UBE3C: variants seen among roughly 807,000 people sequenced by gnomAD.
UBE3C encodes ubiquitin-protein ligase E3C.
Under a neutral mutation model 129.4 loss-of-function variants are expected in UBE3C, and 42 were observed. The ratio of observed to expected loss-of-function variants is 0.32; its 90% CI spans 0.25 to 0.42. UBE3C has a LOEUF of 0.42. Among genes scored for constraint, UBE3C ranks in the 10% least tolerant of loss-of-function variants. The pLI is 1.00. For missense variants in UBE3C, 1,049 were observed against 1,319.1 expected (o/e 0.80, Z 3.17); for synonymous variants, 510 against 492.4 (o/e 1.04, Z -0.47).
intron 1 of UBE3C, among the ~76,000 whole-genome samples, chr7:157,157,782 C>G (rs1373993068): frequency 6.6e-6 from 1 of 152,078 alleles, no homozygotes; most frequent in Non-Finnish European, 1.5e-5. Flanking sequence ...TGAGACCAGC[C>G]TGGCCAACGT....
At chr7:157,249,246 C>A (rs375023578) in intron 19 of UBE3C, among the ~76,000 whole-genome samples, 1 of 152,152 alleles carries the variant, frequency 6.6e-6, no homozygotes, top group Non-Finnish European at 1.5e-5. Flanking sequence ...CAGGCTCCCC[C>A]ACCTCCCGCA....
At chr7:157,260,708 A>T (rs1796879914) in intron 22 of UBE3C, among the ~76,000 whole-genome samples, 2 of 152,208 alleles carry the variant, frequency 1.3e-5, no homozygotes, top group Non-Finnish European at 2.9e-5. Flanking sequence ...AGTTTCATAA[A>T]AGGAAGTTTG....
At position 157,234,558 on chromosome 7, in the gene UBE3C, G is replaced by A. The variant is rs1796106367; in HGVS notation, c.2481+3231G>A. ...TAATGGGAAGGAATCAGTCTATCCTGGATATAGAATAATTCCCCTTTATTT... is the reference window on the plus strand; with the variant it reads ...TAATGGGAAGGAATCAGTCTATCCTAGATATAGAATAATTCCCCTTTATTT... On this transcript the variant is annotated intron_variant, in intron 18 of 22. Transcript: ENST00000348165. Among the ~76,000 whole-genome samples the A allele has an allele frequency of 2.0e-5, 3 of 152,122 alleles. No individual in the cohort carries two copies. The South Asian group carries it at 6.2e-4, about 32-fold the overall frequency.
At chr7:157,185,257 G>A (rs754443742) in intron 9 of UBE3C, among the ~76,000 whole-genome samples, 3 of 152,238 alleles carry the variant, frequency 2.0e-5, no homozygotes, top group South Asian at 2.1e-4. Context: ...ATGCGGACCC[G>A]TGAACCGGGA....
At chr7:157,168,241 C>A (rs1586658459) in intron 2 of UBE3C, among the ~76,000 whole-genome samples, 1 of 150,630 alleles carries the variant, frequency 6.6e-6, no homozygotes, top group Non-Finnish European at 1.5e-5. Flanking sequence ...GTCCCAGCTA[C>A]TCGGGAGGCT....
intron 1 of UBE3C, among the ~76,000 whole-genome samples, chr7:157,151,244 T>C (rs1370534796): frequency 6.6e-6 from 1 of 152,250 alleles, no homozygotes; most frequent in Non-Finnish European, 1.5e-5. Context: ...ACAAATACGC[T>C]GTGTTTTCTG....
At chr7:157,260,571 T>C (rs1315536088) in intron 22 of UBE3C, among the ~76,000 whole-genome samples, 2 of 152,206 alleles carry the variant, frequency 1.3e-5, no homozygotes, top group Admixed American at 6.6e-5. Flanking sequence ...TTTTTATCGG[T>C]AAAGATTTTA....
chr7:157,162,399 T>TG (rs2116855968), intron 1 of UBE3C, among the ~76,000 whole-genome samples: 1 of 152,154 alleles, frequency 6.6e-6, no homozygotes, highest in African/African-American at 2.4e-5. Flanking sequence ...TTCACTGTGT[T>TG]GGCCAGGCTG....
At chr7:157,140,667 A>G (rs1393011743) in intron 1 of UBE3C, among the ~76,000 whole-genome samples, 3 of 152,302 alleles carry the variant, frequency 2.0e-5, no homozygotes, top group South Asian at 2.1e-4. Flanking sequence ...GTGGCAGACC[A>G]TCTGAGACTC....
chr7:157,256,385 C>T (rs1472440887), intron 21 of UBE3C, among the ~76,000 whole-genome samples: 3 of 152,018 alleles, frequency 2.0e-5, no homozygotes, highest in Non-Finnish European at 4.4e-5. Context: ...TCAAGTGATC[C>T]GCCAGCCCGG....
chr7:157,188,899 T>A, intron 10 of UBE3C: 1 of 619,270 alleles, frequency 1.6e-6, no homozygotes, highest in Non-Finnish European at 3.0e-6. Context: ...TCCCTTTTAT[T>A]TTCAGAGTTA....
At chr7:157,231,554 G>A in intron 18 of UBE3C, 3 of 552,920 alleles carry the variant, frequency 5.4e-6, no homozygotes, top group Admixed American at 6.4e-5. Context: ...CAGTGTGCCA[G>A]TATTCAGAGG....
chr7:157,180,058 T>C (rs976910791), intron 6 of UBE3C, among the ~76,000 whole-genome samples: 5 of 152,232 alleles, frequency 3.3e-5, no homozygotes, highest in African/African-American at 9.6e-5. Flanking sequence ...TTAAGAAATA[T>C]GCATTATTTG....
chr7:157,195,876 C>CG (rs1421396160), intron 10 of UBE3C, among the ~76,000 whole-genome samples: 41 of 151,962 alleles, frequency 2.7e-4, no homozygotes, highest in African/African-American at 9.7e-4. Flanking sequence ...GGTGGCGGGG[C>CG]GGGGGTTGCA....
intron 1 of UBE3C, among the ~76,000 whole-genome samples, chr7:157,140,308 G>C (rs1239434898): frequency 6.6e-6 from 1 of 152,196 alleles, no homozygotes; most frequent in Non-Finnish European, 1.5e-5. Context: ...AGGAGGAACT[G>C]CTGTTATTAA....
At chr7:157,218,830 G>C (rs1795657413) in intron 14 of UBE3C, among the ~76,000 whole-genome samples, 1 of 152,142 alleles carries the variant, frequency 6.6e-6, no homozygotes, top group Non-Finnish European at 1.5e-5. Flanking sequence ...GCAGAAACTT[G>C]AAGCATTCAT....
intron 10 of UBE3C, 62 bp from the exon 11 acceptor site, chr7:157,201,652 TTTTTTTA>T (rs1809285882): frequency 1.4e-5 from 9 of 666,232 alleles, no homozygotes; most frequent in South Asian, 8.6e-5. Context: ...TTTTTTTTTT[TTTTTTTA>T]AGAAATGTTT....
At chr7:157,242,510 A>AGTTGTT (rs71522078) in intron 18 of UBE3C, among the ~76,000 whole-genome samples, 12 of 103,860 alleles carry the variant, frequency 1.2e-4, no homozygotes, top group African/African-American at 4.1e-4. Context: ...ACTGAGCCTG[A>AGTTGTT]GTTGTTTTTT....
chr7:157,174,911 T>C lies in UBE3C; in HGVS notation c.343-8T>C, dbSNP rs1475618328. The C allele has an allele frequency of 3.8e-6, 6 of 1,577,164 alleles. No individual in the cohort carries two copies. The highest frequency in any genetic ancestry group is 5.2e-6 in the Non-Finnish European group (6 of 1,163,106). Reference sequence around the variant, plus strand: ...GAGAGTTGTATATTTTATGTTTTGCTGTTTCAGATATGGCTGTATCAGAAC... The same window carrying C: ...GAGAGTTGTATATTTTATGTTTTGCCGTTTCAGATATGGCTGTATCAGAAC... On this transcript the variant is annotated splice_region_variant and splice_polypyrimidine_tract_variant and intron_variant, in intron 4 of 22. Coordinates refer to ENST00000348165, the MANE Select transcript of UBE3C (RefSeq NM_014671.3).
Sources: allele counts gnomAD v4.1 joint callset (sites outside exome capture counted in the v4.1 genomes callset), GRCh38; gene constraint gnomAD v4.1.1; transcripts MANE v1.5; gene names NCBI Gene and HGNC (gene_info 2026-07-23, HGNC 2026-07-21).